Variants in PTPRD observed in about 807,000 individuals in gnomAD.
The protein encoded by PTPRD is protein tyrosine phosphatase receptor type D, also known as receptor-type tyrosine-protein phosphatase delta.
PTPRD carries 34 observed loss-of-function variants against 214.5 expected under a neutral mutation model. The observed-to-expected ratio is 0.16, with a 90% CI of 0.12 to 0.21. PTPRD has a LOEUF of 0.21. Ranked by LOEUF, PTPRD falls within the 10% of genes least tolerant of loss-of-function variation. PTPRD has a pLI of 1.00. For synonymous variants in PTPRD, 1,128 were observed against 845.7 expected, an observed-to-expected ratio of 1.33 and a Z score of -5.79; for missense variants, 2,545 against 2,398.7, an observed-to-expected ratio of 1.06 and a Z score of -1.27.
chr9:9,686,674 T>C (rs900346316), intron 7 of PTPRD, among the ~76,000 whole-genome samples: 5 of 151,730 alleles, frequency 3.3e-5, no homozygotes, highest in Non-Finnish European at 5.9e-5. Flanking sequence ...CCTTAACATT[T>C]GTGTACTTTA....
intron 3 of PTPRD, among the ~76,000 whole-genome samples, chr9:10,291,380 T>C (rs760530517): frequency 6.6e-6 from 1 of 152,114 alleles, no homozygotes; most frequent in Non-Finnish European, 1.5e-5. Flanking sequence ...TGTTTGAATG[T>C]TGCCTTATAG....
chr9:10,571,975 C>T (rs2067593626), intron 2 of PTPRD, among the ~76,000 whole-genome samples: 1 of 152,130 alleles, frequency 6.6e-6, no homozygotes, highest in Non-Finnish European at 1.5e-5. Flanking sequence ...CAGTCTGCTG[C>T]CCAGGGGTTG....
intron 4 of PTPRD, among the ~76,000 whole-genome samples, chr9:10,024,522 C>A (rs947167303): frequency 6.6e-6 from 1 of 152,124 alleles, no homozygotes; most frequent in Non-Finnish European, 1.5e-5. Context: ...GCACTGTAGT[C>A]ATGTCCTAAT....
At chr9:10,232,451 G>A (rs1037424219) in intron 3 of PTPRD, among the ~76,000 whole-genome samples, 2 of 151,950 alleles carry the variant, frequency 1.3e-5, no homozygotes, top group Non-Finnish European at 2.9e-5. Flanking sequence ...GATACCTAAG[G>A]AAAGTCTGGC....
chr9:10,233,594 T>C (rs1223393016), intron 3 of PTPRD, among the ~76,000 whole-genome samples: 1 of 151,994 alleles, frequency 6.6e-6, no homozygotes, highest in Non-Finnish European at 1.5e-5. Flanking sequence ...AATGAACAGA[T>C]TTTTTTCATT....
intron 39 of PTPRD, among the ~76,000 whole-genome samples, chr9:8,346,695 ATGGCCCCAAAG>A (rs982184436): frequency 4.6e-5 from 7 of 152,106 alleles, no homozygotes; most frequent in African/African-American, 1.7e-4. Flanking sequence ...ATTTTACTTG[ATGGCCCCAAAG>A]TGCAAGAGTA....
intron 9 of PTPRD, among the ~76,000 whole-genome samples, chr9:9,354,481 T>C (rs961808947): frequency 6.6e-6 from 1 of 151,638 alleles, no homozygotes; most frequent in Non-Finnish European, 1.5e-5. Context: ...AATATTGGCT[T>C]TACAATTCAA....
intron 3 of PTPRD, among the ~76,000 whole-genome samples, chr9:10,235,284 A>G (rs879766955): frequency 2.6e-5 from 4 of 152,024 alleles, no homozygotes; most frequent in Non-Finnish European, 5.9e-5. Context: ...TAGCAATGCC[A>G]TATAAAAGAC....
intron 5 of PTPRD, among the ~76,000 whole-genome samples, chr9:9,807,351 C>A (rs1380885115): frequency 6.6e-6 from 1 of 152,102 alleles, no homozygotes. Context: ...ACTTCACATA[C>A]TTATGTGAAG....
At chr9:9,157,726 T>G (rs1401968847) in intron 10 of PTPRD, among the ~76,000 whole-genome samples, 3 of 152,192 alleles carry the variant, frequency 2.0e-5, no homozygotes, top group African/African-American at 7.2e-5. Flanking sequence ...TTTCAACTTT[T>G]ATTTAAAGTT....
intron 11 of PTPRD, among the ~76,000 whole-genome samples, chr9:8,968,912 G>A (rs1055350106): frequency 6.6e-6 from 1 of 151,982 alleles, no homozygotes; most frequent in Non-Finnish European, 1.5e-5. Context: ...AATGGAAAAA[G>A]TTCACAAAAA....
chr9:8,974,215 A>G (rs1739023637), intron 11 of PTPRD, among the ~76,000 whole-genome samples: 1 of 152,004 alleles, frequency 6.6e-6, no homozygotes, highest in African/African-American at 2.4e-5. Flanking sequence ...ATTCTGAGTT[A>G]ATTTTTGTAC....
At chr9:9,792,988 T>C (rs909687702) in intron 5 of PTPRD, among the ~76,000 whole-genome samples, 1 of 152,128 alleles carries the variant, frequency 6.6e-6, no homozygotes, top group African/African-American at 2.4e-5. Flanking sequence ...TGAGAGCATA[T>C]ACCAAATTTA....
chr9:9,431,350 T>G (rs996034500), intron 8 of PTPRD, among the ~76,000 whole-genome samples: 5 of 152,074 alleles, frequency 3.3e-5, no homozygotes, highest in African/African-American at 1.2e-4. Flanking sequence ...AAAACCACAA[T>G]GAGATACCAT....
chr9:10,147,392 C>A (rs1034657572), intron 3 of PTPRD, among the ~76,000 whole-genome samples: 1 of 152,076 alleles, frequency 6.6e-6, no homozygotes, highest in Non-Finnish European at 1.5e-5. Flanking sequence ...AAGACACATG[C>A]ACACGTATGT....
intron 9 of PTPRD, among the ~76,000 whole-genome samples, chr9:9,362,472 A>G (rs940523246): frequency 6.6e-6 from 1 of 151,208 alleles, no homozygotes; most frequent in African/African-American, 2.4e-5. Context: ...TTCAAGGATG[A>G]AATGTATGAG....
chr9:10,459,050 GC>G lies in PTPRD; in HGVS notation c.-599-118034del, dbSNP rs552274786. Reference sequence around the variant, plus strand: ...TTCTCCTAATGCTATCCCTCCCCTAGCCCCCCATCCATGACAGGCCCCAGTG... The same window carrying G: ...TTCTCCTAATGCTATCCCTCCCCTAGCCCCCATCCATGACAGGCCCCAGTG... On this transcript the variant is annotated intron_variant, in intron 2 of 45. Transcript: ENST00000381196. Among the ~76,000 whole-genome samples the G allele has an allele frequency of 3.5e-3, 538 of 151,822 alleles. 2 individuals are homozygous for G. The highest frequency in any genetic ancestry group is 4.9e-3 in the Non-Finnish European group (332 of 67,894).
At chr9:9,310,592 G>T (rs560329777) in intron 9 of PTPRD, among the ~76,000 whole-genome samples, 28 of 152,240 alleles carry the variant, frequency 1.8e-4, no homozygotes, top group Non-Finnish European at 2.9e-4. Context: ...GTTATTGAAT[G>T]CCTACTATAT....
At chr9:9,343,516 C>T (rs1228549986) in intron 9 of PTPRD, among the ~76,000 whole-genome samples, 7 of 151,994 alleles carry the variant, frequency 4.6e-5, no homozygotes, top group East Asian at 3.9e-4. Context: ...GCTACATAAA[C>T]GCCTTCTTTT....
Sources: gnomAD v4.1 joint callset for allele counts (sites outside exome capture counted in the v4.1 genomes callset) on GRCh38, gnomAD v4.1.1 for gene constraint, MANE v1.5 for transcripts, NCBI Gene and HGNC (gene_info 2026-07-23, HGNC 2026-07-21) for gene names.